The following TMF1 variants were observed in gnomAD, a reference collection of about 807,000 sequenced individuals.
The protein encoded by TMF1 is TATA element modulatory factor.
A neutral mutation model predicts 126.5 loss-of-function variants in TMF1; 71 were observed. The observed-to-expected ratio is 0.56, with a 90% CI of 0.46 to 0.68. The LOEUF (loss-of-function observed/expected upper bound fraction) is 0.68, where lower values mean the gene tolerates loss of function less well. Among genes scored for constraint, TMF1 ranks in the 30% least tolerant of loss-of-function variants. The probability of loss-of-function intolerance (pLI) is 0.00; values close to 1 mark genes in which losing one functional copy is unlikely to be tolerated. For missense variants in TMF1, 1,259 were observed against 1,253.2 expected (o/e 1.00, Z -0.07); for synonymous variants, 461 against 430.5 (o/e 1.07, Z -0.88).
intron 5 of TMF1, chr3:69,042,398 C>A (rs764310001): frequency 2.6e-5 from 12 of 456,394 alleles, no homozygotes; most frequent in Non-Finnish European, 5.3e-5. Context: ...AAAATTAATA[C>A]AATGAAAAAT....
chr3:69,045,767 AAAAT>A (rs2091892188), intron 2 of TMF1, among the ~76,000 whole-genome samples: 1 of 152,090 alleles, frequency 6.6e-6, no homozygotes, highest in South Asian at 2.1e-4. Flanking sequence ...TAAATAAAAT[AAAAT>A]AAAAGTAGGG....
intron 9 of TMF1, 163 bp from the exon 10 acceptor site, chr3:69,033,867 G>A (rs1256509864): frequency 4.7e-6 from 3 of 635,020 alleles, no homozygotes; most frequent in Admixed American, 3.6e-5. Flanking sequence ...GTCCCGCTCT[G>A]TCACCCAGGC....
At chr3:69,043,629 A>C in intron 4 of TMF1, 121 bp downstream of exon 4, 2 of 977,180 alleles carry the variant, frequency 2.0e-6, no homozygotes, top group Non-Finnish European at 2.9e-6. Flanking sequence ...TTTAAATGTT[A>C]ATAGATGATA....
intron 10 of TMF1, chr3:69,030,268 G>A (rs1017876048): frequency 1.2e-5 from 4 of 326,250 alleles, no homozygotes; most frequent in African/African-American, 8.5e-5. Context: ...AACACCAAAT[G>A]GTCCTGGAGC....
intron 15 of TMF1, 42 bp from the exon 16 acceptor site, chr3:69,024,222 CTTTT>C (rs1301705394): frequency 1.1e-5 from 16 of 1,462,622 alleles, no homozygotes; most frequent in Non-Finnish European, 1.5e-5. Context: ...CAAAACATAT[CTTTT>C]TTAATACTCC....
intron 13 of TMF1, 37 bp downstream of exon 13, chr3:69,027,863 G>A: frequency 9.0e-7 from 1 of 1,108,530 alleles, no homozygotes; most frequent in Non-Finnish European, 1.4e-6. Flanking sequence ...TCTACTAAAT[G>A]GTTACACCAC....
intron 3 of TMF1, among the ~76,000 whole-genome samples, 192 bp downstream of exon 3, chr3:69,044,300 T>C (rs934889522): frequency 2.6e-5 from 4 of 152,156 alleles, no homozygotes; most frequent in Non-Finnish European, 5.9e-5. Flanking sequence ...GCAAAATGAC[T>C]CTCTTCAATG....
chr3:69,030,241 A>G, intron 10 of TMF1: 1 of 400,528 alleles, frequency 2.5e-6, no homozygotes, highest in Non-Finnish European at 4.4e-6. Flanking sequence ...CATGCATTAA[A>G]AGAGTAGTGG....
chr3:69,049,540 T>C (rs2091914583), intron 1 of TMF1, among the ~76,000 whole-genome samples: 1 of 152,224 alleles, frequency 6.6e-6, no homozygotes, highest in Admixed American at 6.5e-5. Context: ...AAGCCCACTC[T>C]AAGAGGAAGT....
At position 69,041,920 on chromosome 3, in the gene TMF1, G is replaced by A. The variant is rs527966093; in HGVS notation, c.1684+887C>T. Among the ~76,000 whole-genome samples, 10 of 152,054 alleles carry A rather than the reference G, an allele frequency of 6.6e-5. No homozygotes were observed. The East Asian group carries it at 1.7e-3, about 26-fold the overall frequency. ...TAAAAAGAGAGATTCACTTGACCAC[G>A]TTTTCCAAAGGCTCCTCTCTCCCAG... On this transcript the variant is annotated intron_variant, in intron 5 of 16. Transcript: ENST00000398559.
Position 69,038,862 on chromosome 3 carries a change from C to A in TMF1, c.1975G>T (p.Ala659Ser). The change falls in exon 7 of 17, where the codon GCC becomes TCC. Residue 659 changes from alanine (A) to serine (S), a missense_variant. Coordinates refer to ENST00000398559, the MANE Select transcript of TMF1 (RefSeq NM_007114.3). Reference sequence around the variant, plus strand: ...TCTTACTTGTATGCACTATCCAGGGCAGCCTGAATACTTCGGTTCTTTTCT... The same window carrying A: ...TCTTACTTGTATGCACTATCCAGGGAAGCCTGAATACTTCGGTTCTTTTCT... The part of the protein sequence containing the change: ...LEEKNRSIQA[A>S]LDSAYKELTD... 1 of 1,608,056 alleles carries A rather than the reference C, an allele frequency of 6.2e-7. No individual in the cohort carries two copies. Among genetic ancestry groups the A allele is most frequent in the Non-Finnish European group, 8.5e-7 (1 of 1,177,848 alleles).
At position 69,048,381 on chromosome 3, in the gene TMF1, G is replaced by T; in HGVS notation, c.324C>A (p.Thr108=). 6.2e-7 allele frequency: 1 copy of T among 1,614,134 alleles called. No homozygotes were observed. Among genetic ancestry groups the T allele is most frequent in the Non-Finnish European group, 8.5e-7 (1 of 1,180,022 alleles). The change falls in exon 2 of 17, where the codon ACC becomes ACA. Residue 108 remains threonine, a synonymous_variant. Transcript: ENST00000398559. ...TTGATACCACTGGACTCTTCTGAAT[G>T]GTCTGGACATCAGTTGGCGAGAGAA... ...SAFLSPTDVQ[T]IQKSPVVSKP...
chr3:69,023,526 T>G (rs2091750745), intron 16 of TMF1, among the ~76,000 whole-genome samples: 1 of 152,056 alleles, frequency 6.6e-6, no homozygotes, highest in African/African-American at 2.4e-5. Flanking sequence ...GCTAGATGGC[T>G]ATCAATTTTA....
intron 2 of TMF1, among the ~76,000 whole-genome samples, chr3:69,045,125 A>G (rs983519783): frequency 3.3e-5 from 5 of 152,206 alleles, no homozygotes; most frequent in African/African-American, 7.2e-5. Flanking sequence ...CTTTACCCGA[A>G]ACACATACCC....
chr3:69,033,095 A>T (rs2091812700), intron 10 of TMF1, among the ~76,000 whole-genome samples: 1 of 152,012 alleles, frequency 6.6e-6, no homozygotes, highest in Non-Finnish European at 1.5e-5. Flanking sequence ...AAAAAAATCG[A>T]GTGCAGCAGT....
At position 69,051,914 on chromosome 3, in the gene TMF1, G is replaced by A. The variant is rs768097809; in HGVS notation, c.142+31C>T. ...GCATCAAGAGAACAGCAGCCTCCGGGAGCCAGGAACCCCGCTCCTCTCTCT... is the reference window on the plus strand; with the variant it reads ...GCATCAAGAGAACAGCAGCCTCCGGAAGCCAGGAACCCCGCTCCTCTCTCT... On this transcript the variant is annotated intron_variant, in intron 1 of 16. Transcript: ENST00000398559. 50 of 1,607,662 alleles carry A rather than the reference G, an allele frequency of 3.1e-5. No homozygotes were observed. In the Middle Eastern group the frequency reaches 1.2e-3, roughly 37 times the overall value.
At position 69,038,941 on chromosome 3, in the gene TMF1, T is replaced by C. The variant is rs1295010304; in HGVS notation, c.1896A>G (p.Val632=). The C allele has an allele frequency of 6.2e-7, 1 of 1,611,360 alleles. No individual in the cohort carries two copies. Among genetic ancestry groups the C allele is most frequent in the African/African-American group, 1.3e-5 (1 of 74,714 alleles). Residue 632 remains valine, a synonymous_variant, in exon 7 of 17, where the codon GTA becomes GTG. Transcript: ENST00000398559. ...RENIKKLNSM[V]ERQEKDLGRL... ...GGCCAAGATCTTTCTCTTGGCGTTC[T>C]ACCATGGAATTTAGTTTTTTAATAT...
chr3:69,052,303 C>T lies in TMF1; in HGVS notation c.-217G>A, dbSNP rs879604595. On this transcript the variant is annotated 5_prime_UTR_variant, in exon 1 of 17. Transcript: ENST00000398559. Reference sequence around the variant, plus strand: ...GGGGGCCCATGTGCGCATGCGCTTGCTTCTTCCACGTACACAGCAACCAAA... The same window carrying T: ...GGGGGCCCATGTGCGCATGCGCTTGTTTCTTCCACGTACACAGCAACCAAA... 2.1e-5 allele frequency: 9 copies of T among 435,934 alleles called. No homozygotes were observed. Among genetic ancestry groups the T allele is most frequent in the Non-Finnish European group, 3.3e-5 (8 of 243,238 alleles). The allele number at this position is 435,934 out of a possible 1,614,324, so 27.0% of individuals were successfully genotyped here. A position where few individuals can be genotyped will look rare whatever the true frequency, so the allele number is the denominator to read the frequency against.
intron 15 of TMF1, chr3:69,024,897 G>C (rs190658887): frequency 7.3e-6 from 1 of 136,104 alleles, no homozygotes; most frequent in East Asian, 2.2e-4. Flanking sequence ...ATGCTCAATT[G>C]AGCTTTTCCT....
Sources: allele counts gnomAD v4.1 joint callset (sites outside exome capture counted in the v4.1 genomes callset), GRCh38; gene constraint gnomAD v4.1.1; transcripts MANE v1.5; gene names NCBI Gene and HGNC (gene_info 2026-07-23, HGNC 2026-07-21).